The following DENND1B variants were observed in gnomAD, a reference collection of about 807,000 sequenced individuals.
DENND1B encodes DENN domain containing 1B.
A neutral mutation model predicts 90.1 loss-of-function variants in DENND1B; 59 were observed. The observed-to-expected ratio is 0.65, with a 90% CI of 0.53 to 0.81. The LOEUF (loss-of-function observed/expected upper bound fraction) is 0.81. Ranked by LOEUF, DENND1B falls within the 40% of genes least tolerant of loss-of-function variation. DENND1B has a pLI of 0.00. For synonymous variants in DENND1B, 337 were observed against 324.6 expected, an observed-to-expected ratio of 1.04 and a Z score of -0.41; for missense variants, 862 against 912.6, an observed-to-expected ratio of 0.94 and a Z score of 0.71.
intron 13 of DENND1B, among the ~76,000 whole-genome samples, chr1:197,601,423 T>C (rs1558292330): frequency 6.6e-6 from 1 of 151,636 alleles, no homozygotes; most frequent in Non-Finnish European, 1.5e-5. Flanking sequence ...CTCACAATAT[T>C]ACACACAAAA....
chr1:197,675,156 G>C (rs1655925909), intron 3 of DENND1B, among the ~76,000 whole-genome samples: 1 of 152,072 alleles, frequency 6.6e-6, no homozygotes, highest in Non-Finnish European at 1.5e-5. Context: ...AAAGAAAAAA[G>C]AGCAAATATC....
chr1:197,775,404 C>G lies in DENND1B; in HGVS notation c.-249G>C, dbSNP rs1657195491. ...GCGTGGCCGCCGCCCCCGTCTCCGC[C>G]GGTAGCCGCCACCAAAGCTGAGGCC... On this transcript the variant is annotated 5_prime_UTR_variant, in exon 1 of 23. Coordinates refer to ENST00000620048, the MANE Select transcript of DENND1B (RefSeq NM_001195215.2). The G allele has an allele frequency of 6.2e-6, 2 of 324,448 alleles. No individual in the cohort carries two copies. The highest frequency in any genetic ancestry group is 9.4e-5 in the East Asian group (2 of 21,276). 20.1% of individuals were successfully genotyped at this position (324,448 alleles called of 1,614,324 possible).
intron 2 of DENND1B, among the ~76,000 whole-genome samples, chr1:197,743,567 TTAAAA>T (rs1391479202): frequency 5.3e-5 from 8 of 152,224 alleles, no homozygotes; most frequent in African/African-American, 1.9e-4. Flanking sequence ...GTGGAATTTC[TTAAAA>T]TAAGGCAACA....
At chr1:197,770,587 CTGT>C (rs975710520) in intron 2 of DENND1B, among the ~76,000 whole-genome samples, 2 of 137,652 alleles carry the variant, frequency 1.5e-5, no homozygotes, top group Non-Finnish European at 3.2e-5. Flanking sequence ...TGAAATTAGC[CTGT>C]TGTGTGTGTG....
At chr1:197,601,918 T>A (rs1676247107) in intron 13 of DENND1B, among the ~76,000 whole-genome samples, 2 of 151,644 alleles carry the variant, frequency 1.3e-5, no homozygotes, top group African/African-American at 4.8e-5. Flanking sequence ...GCAAAATCTA[T>A]AATAGTTTAC....
chr1:197,592,462 T>C (rs915708199), intron 14 of DENND1B, among the ~76,000 whole-genome samples: 2 of 152,148 alleles, frequency 1.3e-5, no homozygotes, highest in Non-Finnish European at 2.9e-5. Context: ...AAATCATATA[T>C]GAATAAGGCT....
chr1:197,650,716 C>G lies in DENND1B; in HGVS notation c.447+1519G>C, dbSNP rs181976804. Among the ~76,000 whole-genome samples, 796 of 152,214 alleles carry G rather than the reference C, an allele frequency of 5.2e-3. 7 individuals carry two copies. The highest frequency in any genetic ancestry group is 0.024 in the Middle Eastern group (7 of 294). On this transcript the variant is annotated intron_variant, in intron 7 of 22. Transcript: ENST00000620048. ...AGGAATGAATTAACAGCATTTGCAG[C>G]GACCTGGATGAGACTGAAGACTATT...
chr1:197,584,193 AG>A (rs1446839278), intron 14 of DENND1B, among the ~76,000 whole-genome samples: 1 of 152,222 alleles, frequency 6.6e-6, no homozygotes, highest in East Asian at 1.9e-4. Context: ...TTTAATCTTA[AG>A]GAAGACTCAA....
chr1:197,679,802 A>G (rs887944754), intron 3 of DENND1B, among the ~76,000 whole-genome samples: 12 of 141,414 alleles, frequency 8.5e-5, no homozygotes, highest in Non-Finnish European at 1.7e-4. Context: ...TGGGTTTCCA[A>G]GGGTTGTTTT....
At chr1:197,627,836 G>A (rs556938596) in intron 10 of DENND1B, among the ~76,000 whole-genome samples, 1 of 152,182 alleles carries the variant, frequency 6.6e-6, no homozygotes, top group South Asian at 2.1e-4. Flanking sequence ...CAAAGTCTCA[G>A]GATACAAAAT....
intron 20 of DENND1B, among the ~76,000 whole-genome samples, chr1:197,516,945 T>C: frequency 6.6e-6 from 1 of 151,888 alleles, no homozygotes; most frequent in South Asian, 2.1e-4. Context: ...ATGTAGCCTC[T>C]GGAAAGCTTT....
chr1:197,618,261 G>A (rs1453765740), intron 10 of DENND1B, among the ~76,000 whole-genome samples: 1 of 151,156 alleles, frequency 6.6e-6, no homozygotes, highest in Non-Finnish European at 1.5e-5. Flanking sequence ...GGACTTGAAT[G>A]TTCGACAGTT....
intron 20 of DENND1B, among the ~76,000 whole-genome samples, chr1:197,535,220 A>G (rs954288340): frequency 2.0e-5 from 3 of 152,178 alleles, no homozygotes; most frequent in African/African-American, 7.2e-5. Flanking sequence ...CAAACCCCAG[A>G]TTTGTGGTAC....
At chr1:197,770,714 A>G (rs1408740759) in intron 2 of DENND1B, among the ~76,000 whole-genome samples, 4 of 142,850 alleles carry the variant, frequency 2.8e-5, no homozygotes, top group Middle Eastern at 3.4e-3. Context: ...AAATATATAA[A>G]TATATATCTA....
intron 5 of DENND1B, among the ~76,000 whole-genome samples, chr1:197,669,033 TTTAC>T (rs1655223450): frequency 6.6e-6 from 1 of 152,170 alleles, no homozygotes; most frequent in African/African-American, 2.4e-5. Flanking sequence ...TATTAGATGC[TTTAC>T]TTATTTTTCT....
chr1:197,743,939 C>A (rs1034673705), intron 2 of DENND1B, among the ~76,000 whole-genome samples: 17 of 152,194 alleles, frequency 1.1e-4, no homozygotes, highest in African/African-American at 4.1e-4. Context: ...CCAGTAGATT[C>A]CATCTTAAGA....
At chr1:197,551,107 ACACACC>A (rs367705394) in intron 16 of DENND1B, among the ~76,000 whole-genome samples, 5,816 of 107,220 alleles carry the variant, frequency 0.054, 158 homozygotes, top group African/African-American at 0.081. Context: ...ACACACACAC[ACACACC>A]CCCTAGATAG....
chr1:197,607,094 C>G lies in DENND1B; in HGVS notation c.900G>C (p.Leu300Phe). ...TTACCACATCACTTGGTAGGTTGTT[C>G]AAGTCACTAAATGGTGATTCTAATG... ...TNTLESPFSD[L>F]NNLPSDVVSA... Residue 300 changes from leucine to phenylalanine, a missense_variant, in exon 13 of 23, where the codon TTG becomes TTC. Coordinates refer to ENST00000620048, the MANE Select transcript of DENND1B (RefSeq NM_001195215.2). 1 of 1,605,772 alleles carries G rather than the reference C, an allele frequency of 6.2e-7. No homozygotes were observed. The highest frequency in any genetic ancestry group is 8.5e-7 in the Non-Finnish European group (1 of 1,174,900).
intron 18 of DENND1B, among the ~76,000 whole-genome samples, chr1:197,542,682 T>C (rs1038834607): frequency 6.6e-6 from 1 of 152,136 alleles, no homozygotes; most frequent in Admixed American, 6.5e-5. Context: ...TCATAGCAAT[T>C]TGTGGTCAAA....
Sources: allele counts gnomAD v4.1 joint callset (sites outside exome capture counted in the v4.1 genomes callset), GRCh38; gene constraint gnomAD v4.1.1; transcripts MANE v1.5; gene names NCBI Gene and HGNC (gene_info 2026-07-23, HGNC 2026-07-21).